Variants in HIVEP3 observed in about 807,000 individuals in gnomAD.
HIVEP3 encodes the protein transcription factor HIVEP3.
Under a neutral mutation model 152.8 loss-of-function variants are expected in HIVEP3, and 49 were observed. The ratio of observed to expected loss-of-function variants is 0.32; its 90% CI spans 0.26 to 0.41. HIVEP3 has a LOEUF of 0.41. HIVEP3 is among the 10% of genes least tolerant of loss of function. The pLI is 1.00. For missense variants in HIVEP3, 2,790 were observed against 3,103.3 expected, an observed-to-expected ratio of 0.90 and a Z score of 2.40; for synonymous variants, 1,269 against 1,289.0, an observed-to-expected ratio of 0.98 and a Z score of 0.33.
intron 1 of HIVEP3, among the ~76,000 whole-genome samples, chr1:42,009,631 C>G (rs543581849): frequency 2.0e-5 from 3 of 152,256 alleles, no homozygotes; most frequent in African/African-American, 7.2e-5. Flanking sequence ...CAGTGTGTAA[C>G]TTCATTCCCA....
intron 5 of HIVEP3, among the ~76,000 whole-genome samples, chr1:41,529,171 A>C (rs1643145428): frequency 2.3e-5 from 2 of 88,370 alleles, no homozygotes; most frequent in Admixed American, 1.2e-4. Context: ...ACACATGCTC[A>C]CACCCCACCC....
At position 41,662,722 on chromosome 1, in the gene HIVEP3, C is replaced by G. The variant is rs967422782; in HGVS notation, c.-720-33775G>C. ...GCCGCCCCTCCCTCCGCGCCCGCCC[C>G]GGCTCCGGCGCTGTCTTTTCCTCCT... On this transcript the variant is annotated intron_variant, in intron 2 of 8. Transcript: ENST00000372583. The surrounding 1 kb of genome is among the most constrained non-coding windows in gnomAD (Gnocchi z 7.2). Among the ~76,000 whole-genome samples, 8 of 151,884 alleles carry G rather than the reference C, an allele frequency of 5.3e-5. No homozygotes were observed. The highest frequency in any genetic ancestry group is 2.0e-4 in the East Asian group (1 of 5,070).
At chr1:41,711,419 C>A (rs1646511844) in intron 1 of HIVEP3, among the ~76,000 whole-genome samples, 1 of 152,228 alleles carries the variant, frequency 6.6e-6, no homozygotes, top group Non-Finnish European at 1.5e-5. Flanking sequence ...CACCACCACC[C>A]AGCAGACACT....
At chr1:41,640,655 C>T (rs770883198) in intron 2 of HIVEP3, among the ~76,000 whole-genome samples, 5 of 152,176 alleles carry the variant, frequency 3.3e-5, no homozygotes, top group South Asian at 2.1e-4. Context: ...GCTGCTTCCC[C>T]GCAAGAAGGC....
chr1:41,955,742 T>C (rs1274868326), intron 1 of HIVEP3, among the ~76,000 whole-genome samples: 1 of 152,210 alleles, frequency 6.6e-6, no homozygotes, highest in Non-Finnish European at 1.5e-5. Flanking sequence ...TTTAATGAGT[T>C]ACCCGGAGAA....
In HIVEP3 at chr1:41,893,194, C is replaced by G. The variant is rs561530542; in HGVS notation, c.-801+25219G>C. Among the ~76,000 whole-genome samples, 9 of 151,182 alleles carry G rather than the reference C, an allele frequency of 6.0e-5. No homozygotes were observed. In the East Asian group the frequency reaches 1.6e-3, roughly 26 times the overall value. On this transcript the variant is annotated intron_variant, in intron 1 of 8. Coordinates refer to ENST00000372583, the MANE Select transcript of HIVEP3 (RefSeq NM_024503.5). ...GAAGCCTCTGGCTCAAACCCACATA[C>G]AGAAGCTTGTCGGCTGCTGTGTGTA...
intron 1 of HIVEP3, among the ~76,000 whole-genome samples, chr1:41,820,606 C>T (rs971546252): frequency 2.6e-5 from 4 of 152,138 alleles, no homozygotes; most frequent in African/African-American, 9.7e-5. Flanking sequence ...TGAGAAATAG[C>T]CATCCATTTA....
rs142043572 is a variant in HIVEP3, at chr1:41,582,451, C to A, written c.2347G>T (p.Gly783Cys). ...CTCCTCTCCTTCCCTGATTCTGAAC[C>A]GGACCCTGGCTTGGGAGTCCTTGGC... ...FQPRTPKPGS[G>C]SESGKERRTT... Residue 783 changes from glycine to cysteine, a missense_variant, in exon 4 of 9, where the codon GGT becomes TGT. Physicochemically the swap from Gly to Cys is radical, Grantham distance 159. This residue lies in a region of HIVEP3 where 339 missense variants were observed against 327.0 expected (regional missense o/e 1.04). Coordinates refer to ENST00000372583, the MANE Select transcript of HIVEP3 (RefSeq NM_024503.5). The surrounding 1 kb of genome is among the most constrained non-coding windows in gnomAD (Gnocchi z 4.7). 1.2e-6 allele frequency: 2 copies of A among 1,613,952 alleles called. No individual in the cohort carries two copies. Among genetic ancestry groups the A allele is most frequent in the Admixed American group, 1.7e-5 (1 of 59,996 alleles).
intron 1 of HIVEP3, among the ~76,000 whole-genome samples, chr1:41,794,837 C>T (rs1649896732): frequency 6.6e-6 from 1 of 152,270 alleles, no homozygotes; most frequent in Non-Finnish European, 1.5e-5. Context: ...AGGAAAATTG[C>T]AAAGATAGTG....
intron 1 of HIVEP3, among the ~76,000 whole-genome samples, chr1:42,005,396 A>G (rs1317534358): frequency 2.0e-5 from 3 of 152,146 alleles, no homozygotes; most frequent in East Asian, 1.9e-4. Context: ...ACACATGTGT[A>G]TATATATACA....
At chr1:41,909,598 G>C (rs959412042) in intron 1 of HIVEP3, among the ~76,000 whole-genome samples, 1 of 151,952 alleles carries the variant, frequency 6.6e-6, no homozygotes, top group African/African-American at 2.4e-5. Flanking sequence ...TGATATAAAA[G>C]ACTTGGACAA....
At chr1:41,912,202 G>C (rs2124465989) in intron 1 of HIVEP3, among the ~76,000 whole-genome samples, 1 of 152,316 alleles carries the variant, frequency 6.6e-6, no homozygotes, top group African/African-American at 2.4e-5. Flanking sequence ...GAATGGGATA[G>C]GGTGGAGGGA....
At position 41,728,366 on chromosome 1, in the gene HIVEP3, C is replaced by G. The variant is rs78856844; in HGVS notation, c.-800-27371G>C. 9.9e-3 allele frequency among the ~76,000 whole-genome samples: 1,500 copies of G among 152,256 alleles called. 19 individuals are homozygous for G. Among genetic ancestry groups the G allele is most frequent in the African/African-American group, 0.031 (1,287 of 41,518 alleles). ...AGGGAGTGCCCAGCCTAGAGGGGAG[C>G]TGGAGTCCAAGGACATGAGCAGGCT... On this transcript the variant is annotated intron_variant, in intron 1 of 8. Coordinates refer to ENST00000372583, the MANE Select transcript of HIVEP3 (RefSeq NM_024503.5).
rs1472348149 is a variant in HIVEP3, at chr1:41,510,567, T to C, written c.7105A>G (p.Thr2369Ala). The C allele has an allele frequency of 1.9e-6, 3 of 1,565,680 alleles. No homozygotes were observed. Among genetic ancestry groups the C allele is most frequent in the Admixed American group, 1.9e-5 (1 of 52,894 alleles). ...AEASARFPAR[T>A]RNLSGEPRTR... is the part of the protein sequence containing the mutation. ...CTGGGTTCCCCGGAGAGGTTCCTCG[T>C]CCGGGCTGGGAAGCGGGCAGAGGCC... The change falls in exon 9 of 9, where the codon ACG becomes GCG. Residue 2369 changes from threonine to alanine, a missense_variant. Physicochemically the swap from Thr to Ala is moderately conservative, Grantham distance 58. Transcript: ENST00000372583.
chr1:41,938,150 C>G (rs1451693497), intron 1 of HIVEP3, among the ~76,000 whole-genome samples: 1 of 152,176 alleles, frequency 6.6e-6, no homozygotes, highest in Non-Finnish European at 1.5e-5. Context: ...AATGCCATCT[C>G]CTCAGAGCTG....
intron 1 of HIVEP3, among the ~76,000 whole-genome samples, chr1:41,730,616 ATC>A (rs1307047714): frequency 5.9e-5 from 9 of 152,244 alleles, no homozygotes; most frequent in Admixed American, 3.9e-4. Context: ...CCAGGGTGCA[ATC>A]TATCTAAGCA....
intron 2 of HIVEP3, among the ~76,000 whole-genome samples, chr1:41,686,297 T>C (rs1015425491): frequency 6.6e-6 from 1 of 152,032 alleles, no homozygotes; most frequent in Non-Finnish European, 1.5e-5. Flanking sequence ...TGGTCTCGAA[T>C]TCCTGGGCTC....
At chr1:41,833,112 C>T (rs1643011270) in intron 1 of HIVEP3, among the ~76,000 whole-genome samples, 1 of 152,186 alleles carries the variant, frequency 6.6e-6, no homozygotes, top group African/African-American at 2.4e-5. Flanking sequence ...AAGTATTCTG[C>T]AATGAGAAGC....
intron 5 of HIVEP3, among the ~76,000 whole-genome samples, chr1:41,548,276 A>G (rs924747394): frequency 1.8e-4 from 28 of 152,098 alleles, no homozygotes; most frequent in Admixed American, 7.9e-4. Context: ...TGTGGTAGCG[A>G]TCACTCTCCC....
Sources: allele counts gnomAD v4.1 joint callset (sites outside exome capture counted in the v4.1 genomes callset), GRCh38; gene constraint gnomAD v4.1.1; regional missense constraint gnomAD v4.1.1; non-coding constraint Gnocchi (gnomAD v3.1); transcripts MANE v1.5; gene names NCBI Gene and HGNC (gene_info 2026-07-23, HGNC 2026-07-21).